Variants in OPHN1 observed in about 807,000 individuals in gnomAD.
The protein encoded by OPHN1 is oligophrenin-1.
OPHN1 carries 11 observed loss-of-function variants against 60.7 expected under a neutral mutation model. The ratio of observed to expected loss-of-function variants is 0.18; its 90% confidence interval spans 0.11 to 0.30. The LOEUF (loss-of-function observed/expected upper bound fraction) is 0.30. OPHN1 is among the 10% of genes least tolerant of loss of function. The pLI is 1.00. For missense variants in OPHN1, 449 were observed against 611.0 expected (o/e 0.73, Z 2.80); for synonymous variants, 226 against 222.6 (o/e 1.02, Z -0.14).
At chrX:68,130,041 T>C (rs2077187511) in intron 15 of OPHN1, among the ~76,000 whole-genome samples, 1 of 112,558 alleles carries the variant, frequency 8.9e-6, no homozygotes, top group Non-Finnish European at 1.9e-5. Context: ...AGGCCATTGG[T>C]TCTTTTGTTA....
At chrX:68,274,386 A>G (rs748703938) in intron 5 of OPHN1, among the ~76,000 whole-genome samples, 3 of 112,022 alleles carry the variant, frequency 2.7e-5, no homozygotes, top group Non-Finnish European at 5.6e-5. Context: ...CAGACAAAAC[A>G]ACAAAAACAC....
At chrX:68,387,320 C>A (rs1158534532) in intron 2 of OPHN1, among the ~76,000 whole-genome samples, 1 of 109,897 alleles carries the variant, frequency 9.1e-6, no homozygotes, top group Non-Finnish European at 1.9e-5. Context: ...ACCATCTCCA[C>A]CACCACCACT....
chrX:68,371,408 C>T (rs1376108503), intron 2 of OPHN1, among the ~76,000 whole-genome samples: 4 of 109,180 alleles, frequency 3.7e-5, no homozygotes, highest in South Asian at 4.0e-4. Context: ...TTATAGAGAC[C>T]GAGTTTTGCC....
At chrX:68,294,221 A>C (rs767773344) in intron 3 of OPHN1, among the ~76,000 whole-genome samples, 11 of 110,744 alleles carry the variant, frequency 9.9e-5, no homozygotes, top group Non-Finnish European at 1.9e-4. Context: ...CTGTAATCCC[A>C]GCACTTTGGG....
At chrX:68,269,943 C>T (rs1357450778) in intron 5 of OPHN1, among the ~76,000 whole-genome samples, 4 of 112,039 alleles carry the variant, frequency 3.6e-5, no homozygotes, top group Middle Eastern at 4.6e-3. Flanking sequence ...TGAACAGATG[C>T]TTCTCAAAAG....
chrX:68,252,403 A>T (rs1256547762), intron 5 of OPHN1, among the ~76,000 whole-genome samples: 1 of 112,038 alleles, frequency 8.9e-6, no homozygotes, highest in Non-Finnish European at 1.9e-5. Context: ...ATCTGAGCCC[A>T]AATTAAATCG....
At chrX:68,422,177 G>A (rs1489568229) in intron 2 of OPHN1, among the ~76,000 whole-genome samples, 3 of 110,921 alleles carry the variant, frequency 2.7e-5, no homozygotes, top group Non-Finnish European at 5.7e-5. Flanking sequence ...GCTGCCATCT[G>A]GGTCATTTCA....
intron 2 of OPHN1, among the ~76,000 whole-genome samples, chrX:68,392,189 G>A (rs183260427): frequency 3.0e-4 from 33 of 111,258 alleles, no homozygotes; most frequent in Admixed American, 2.8e-3. Flanking sequence ...AACTCAACAT[G>A]AAGATGAACA....
At chrX:68,191,688 T>C (rs1369787427) in intron 15 of OPHN1, among the ~76,000 whole-genome samples, 1 of 111,978 alleles carries the variant, frequency 8.9e-6, no homozygotes, top group Non-Finnish European at 1.9e-5. Flanking sequence ...ACTTTTTAGA[T>C]TGCAGCAGAT....
intron 2 of OPHN1, among the ~76,000 whole-genome samples, chrX:68,397,589 C>G (rs2078692783): frequency 1.1e-5 from 1 of 93,794 alleles, no homozygotes; most frequent in African/African-American, 3.9e-5. Context: ...GTGGCACAAT[C>G]TCGGCTCACT....
chrX:68,377,371 C>T (rs1363645934), intron 2 of OPHN1, among the ~76,000 whole-genome samples: 1 of 109,496 alleles, frequency 9.1e-6, no homozygotes, highest in Non-Finnish European at 1.9e-5. Flanking sequence ...GCTGGGATTA[C>T]AGGTGTGAGC....
intron 5 of OPHN1, among the ~76,000 whole-genome samples, chrX:68,271,848 G>C (rs1384414883): frequency 9.1e-6 from 1 of 110,145 alleles, no homozygotes; most frequent in African/African-American, 3.3e-5. Context: ...TGGGGTAGGG[G>C]GTCTACAGAA....
At chrX:68,391,614 T>C (rs774001026) in intron 2 of OPHN1, among the ~76,000 whole-genome samples, 11 of 111,615 alleles carry the variant, frequency 9.9e-5, no homozygotes, top group Non-Finnish European at 1.7e-4. Context: ...ATGAATGTGT[T>C]ACTTTACATG....
rs1350986949 is a variant in OPHN1, at chrX:68,044,670, G to C, written c.*2502C>G. The C allele has an allele frequency of 8.9e-6, 1 of 112,484 alleles. No homozygotes were observed. The highest frequency in any genetic ancestry group is 1.9e-5 in the Non-Finnish European group (1 of 53,310). The allele number at this position is 112,484 out of a possible 1,213,427, so 9.3% of individuals were successfully genotyped here. On this transcript the variant is annotated 3_prime_UTR_variant, in exon 25 of 25. Coordinates refer to ENST00000355520, the MANE Select transcript of OPHN1 (RefSeq NM_002547.3). Reference sequence around the variant, plus strand: ...GCATGCCTCGCCACAGAAGCTTTTTGCACTTTAAGTCAGAGTGCCAAAGGC... The same window carrying C: ...GCATGCCTCGCCACAGAAGCTTTTTCCACTTTAAGTCAGAGTGCCAAAGGC...
intron 2 of OPHN1, among the ~76,000 whole-genome samples, chrX:68,385,668 C>A (rs2078620748): frequency 8.9e-6 from 1 of 112,189 alleles, no homozygotes; most frequent in Non-Finnish European, 1.9e-5. Context: ...AAGAATAAGA[C>A]CTGAATGTGG....
intron 2 of OPHN1, among the ~76,000 whole-genome samples, chrX:68,374,804 G>C (rs2078547899): frequency 8.9e-6 from 1 of 112,110 alleles, no homozygotes; most frequent in Non-Finnish European, 1.9e-5. Flanking sequence ...TACATTAGTA[G>C]GCAAAATATT....
intron 5 of OPHN1, among the ~76,000 whole-genome samples, chrX:68,264,692 G>A (rs1019410654): frequency 7.1e-5 from 8 of 112,101 alleles, no homozygotes; most frequent in Admixed American, 4.7e-4. Context: ...AGGACAGTGG[G>A]TGCAGTGCAC....
chrX:68,296,647 T>TAAAA (rs751623342), intron 3 of OPHN1, among the ~76,000 whole-genome samples: 1 of 68,428 alleles, frequency 1.5e-5, no homozygotes, highest in African/African-American at 5.4e-5. Flanking sequence ...GACTCCATCT[T>TAAAA]AAAAAAAAAA....
intron 2 of OPHN1, among the ~76,000 whole-genome samples, chrX:68,358,841 G>A (rs758550861): frequency 5.6e-4 from 63 of 111,803 alleles, no homozygotes; most frequent in Non-Finnish European, 1.1e-3. Context: ...CTAAGGGTTG[G>A]AGAAATTGAG....
Sources: allele counts gnomAD v4.1 joint callset (sites outside exome capture counted in the v4.1 genomes callset), GRCh38; gene constraint gnomAD v4.1.1; transcripts MANE v1.5; gene names NCBI Gene and HGNC (gene_info 2026-07-23, HGNC 2026-07-21).